Variants in FRMD4A observed in about 807,000 individuals in gnomAD.
FRMD4A encodes the protein FERM domain containing 4A.
In FRMD4A, 29 loss-of-function variants were observed where a neutral mutation model predicts 129.1. That is an observed-to-expected ratio of 0.22 (90% CI 0.17 to 0.31). FRMD4A has a LOEUF of 0.31. Ranked by LOEUF, FRMD4A falls within the 10% of genes least tolerant of loss-of-function variation. The pLI, the probability that FRMD4A is intolerant of heterozygous loss-of-function variation, is 1.00. For synonymous variants in FRMD4A, 634 were observed against 571.6 expected (o/e 1.11, Z -1.56); for missense variants, 1,272 against 1,375.8 (o/e 0.92, Z 1.19).
intron 2 of FRMD4A, among the ~76,000 whole-genome samples, chr10:14,321,814 T>A (rs1052818679): frequency 3.3e-5 from 5 of 152,148 alleles, no homozygotes; most frequent in African/African-American, 1.2e-4. Context: ...AAGTCTGAAT[T>A]GGAATCCCCA....
At chr10:14,087,796 G>A (rs768345227) in intron 2 of FRMD4A, among the ~76,000 whole-genome samples, 23 of 152,138 alleles carry the variant, frequency 1.5e-4, no homozygotes, top group African/African-American at 1.2e-4. Context: ...TCGGCAGCAC[G>A]GATTTCAGAG....
chr10:14,274,282 T>G (rs1397632043), intron 2 of FRMD4A, among the ~76,000 whole-genome samples: 1 of 152,150 alleles, frequency 6.6e-6, no homozygotes, highest in Non-Finnish European at 1.5e-5. Context: ...CTGCCCTATC[T>G]CTTAGCAGAT....
At chr10:13,697,053 A>G (rs556211950) in intron 14 of FRMD4A, among the ~76,000 whole-genome samples, 24 of 152,270 alleles carry the variant, frequency 1.6e-4, no homozygotes, top group African/African-American at 5.5e-4. Flanking sequence ...AACTCTTGCC[A>G]CACATCATTC....
intron 8 of FRMD4A, among the ~76,000 whole-genome samples, chr10:13,750,743 G>C (rs1019079577): frequency 4.6e-5 from 7 of 152,166 alleles, no homozygotes; most frequent in Non-Finnish European, 8.8e-5. Flanking sequence ...AGAGGGTTCA[G>C]CCTCTCCTGG....
chr10:14,267,061 A>G (rs11258987), intron 2 of FRMD4A, among the ~76,000 whole-genome samples: 26,228 of 152,242 alleles, frequency 0.17, 2,387 homozygotes, highest in Middle Eastern at 0.2. Context: ...GCAGGCAGAT[A>G]GGTGTGATTA....
At chr10:13,876,068 C>T (rs1042332512) in intron 2 of FRMD4A, among the ~76,000 whole-genome samples, 2 of 152,194 alleles carry the variant, frequency 1.3e-5, no homozygotes, top group Admixed American at 6.5e-5. Context: ...GAATGGGTTG[C>T]CCCGTTATCA....
chr10:14,225,749 T>A (rs1843412876), intron 2 of FRMD4A, among the ~76,000 whole-genome samples: 1 of 152,248 alleles, frequency 6.6e-6, no homozygotes, highest in Non-Finnish European at 1.5e-5. Context: ...GTAGCTCTTC[T>A]GTAAGTGATA....
chr10:14,315,458 C>T (rs186795189), intron 2 of FRMD4A, among the ~76,000 whole-genome samples: 34 of 152,250 alleles, frequency 2.2e-4, no homozygotes, highest in African/African-American at 6.0e-4. Context: ...CTCATGTATG[C>T]GAGTAAAAGC....
chr10:13,860,692 A>G (rs910730619), intron 2 of FRMD4A, among the ~76,000 whole-genome samples: 1 of 152,202 alleles, frequency 6.6e-6, no homozygotes, highest in African/African-American at 2.4e-5. Flanking sequence ...TCTTTCCTCA[A>G]GGAAAGATAA....
intron 9 of FRMD4A, among the ~76,000 whole-genome samples, chr10:13,746,121 C>A (rs1414499353): frequency 6.6e-6 from 1 of 152,156 alleles, no homozygotes; most frequent in Non-Finnish European, 1.5e-5. Context: ...GGACGCCAGA[C>A]ACGGAAGGGA....
intron 2 of FRMD4A, among the ~76,000 whole-genome samples, chr10:13,896,030 C>A (rs2094754126): frequency 6.6e-6 from 1 of 152,074 alleles, no homozygotes; most frequent in Non-Finnish European, 1.5e-5. Context: ...CAGGTGCTGG[C>A]GAGGCTGTGG....
At chr10:14,206,271 C>T (rs1842778374) in intron 2 of FRMD4A, among the ~76,000 whole-genome samples, 1 of 152,158 alleles carries the variant, frequency 6.6e-6, no homozygotes, top group African/African-American at 2.4e-5. Context: ...CAGCAACAAA[C>T]TGACAACCCA....
intron 2 of FRMD4A, among the ~76,000 whole-genome samples, chr10:14,208,352 G>A (rs925956096): frequency 6.6e-6 from 1 of 152,106 alleles, no homozygotes; most frequent in Admixed American, 6.5e-5. Context: ...GCTCCCCCAG[G>A]TCTCTGGGGA....
At chr10:13,884,112 ACACACACACT>A (rs2094577601) in intron 2 of FRMD4A, among the ~76,000 whole-genome samples, 1 of 129,774 alleles carries the variant, frequency 7.7e-6, no homozygotes, top group African/African-American at 3.2e-5. Flanking sequence ...AAACACACAC[ACACACACACT>A]CACACACACG....
chr10:13,670,602 CACGCACAT>C (rs2083435116), intron 16 of FRMD4A, 74 bp from the exon 17 acceptor site: 1 of 1,431,602 alleles, frequency 7.0e-7, no homozygotes, highest in African/African-American at 1.4e-5. Context: ...AACACACACA[CACGCACAT>C]ACACGCACAC....
At chr10:13,831,798 G>A (rs2093794187) in intron 3 of FRMD4A, among the ~76,000 whole-genome samples, 1 of 151,954 alleles carries the variant, frequency 6.6e-6, no homozygotes, top group Non-Finnish European at 1.5e-5. Context: ...TCCTTTTTGG[G>A]TAGGAGATCT....
At position 13,840,718 on chromosome 10, in the gene FRMD4A, G is replaced by A. The variant is rs540677631; in HGVS notation, c.111+18129C>T. ...CATGAGAATCGCTTGAACCCAGGGG[G>A]TGGAGGTTGCAGTGAGCTGAGATTG... On this transcript the variant is annotated intron_variant, in intron 3 of 24. Coordinates refer to ENST00000357447, the MANE Select transcript of FRMD4A (RefSeq NM_018027.5). 6.0e-5 allele frequency among the ~76,000 whole-genome samples: 9 copies of A among 149,844 alleles called. No individual in the cohort carries two copies. The East Asian group carries it at 1.6e-3, about 26-fold the overall frequency.
rs780095617 is a variant in FRMD4A at position 13,656,875 on chromosome 10, CGCAGGATCTGCGATCGCGACGGCGTCA to C, written c.2687_2713del (p.Leu896_Leu904del). ...GCCCTCGCGGCCCAGCGACGGAGTC[CGCAGGATCTGCGATCGCGACGGCGTCA>C]GGCGGCCCGTGTCGCCCTCGTCGCC... is the stretch of plus-strand genomic sequence containing the variant. On this transcript the variant is annotated inframe_deletion, in exon 22 of 25. Transcript: ENST00000357447. 17 of 1,489,728 alleles carry C rather than the reference CGCAGGATCTGCGATCGCGACGGCGTCA, an allele frequency of 1.1e-5. No homozygotes were observed. Among genetic ancestry groups the C allele is most frequent in the African/African-American group, 2.9e-5 (2 of 69,238 alleles). 92.3% of individuals were successfully genotyped at this position (1,489,728 alleles called of 1,614,324 possible). A position where few individuals can be genotyped will look rare whatever the true frequency, so the allele number is the denominator to read the frequency against.
chr10:13,706,847 A>C (rs1468254680), intron 13 of FRMD4A, among the ~76,000 whole-genome samples, 190 bp downstream of exon 13: 3 of 151,846 alleles, frequency 2.0e-5, no homozygotes, highest in African/African-American at 4.8e-5. Context: ...GTGCGAACCC[A>C]CTGCATTTAT....
Sources: allele counts gnomAD v4.1 joint callset (sites outside exome capture counted in the v4.1 genomes callset), GRCh38; gene constraint gnomAD v4.1.1; transcripts MANE v1.5; gene names NCBI Gene and HGNC (gene_info 2026-07-23, HGNC 2026-07-21).